Variants in PCDH7 observed in about 807,000 individuals in gnomAD.
PCDH7 encodes the protein protocadherin-7.
A neutral mutation model predicts 58.9 loss-of-function variants in PCDH7; 17 were observed. The observed-to-expected ratio is 0.29, with a 90% CI of 0.20 to 0.43. PCDH7 has a LOEUF of 0.43. PCDH7 is among the 20% of genes least tolerant of loss of function. The probability of loss-of-function intolerance (pLI) is 1.00; values close to 1 mark genes in which losing one functional copy is unlikely to be tolerated. For synonymous variants in PCDH7, 664 were observed against 616.4 expected (o/e 1.08, Z -1.14); for missense variants, 1,274 against 1,441.0 (o/e 0.88, Z 1.88).
chr4:30,827,928 C>T (rs1729304914), intron 1 of PCDH7, among the ~76,000 whole-genome samples: 1 of 152,124 alleles, frequency 6.6e-6, no homozygotes, highest in Admixed American at 6.6e-5. Context: ...TTTGTAGTTA[C>T]ACTGCTGATA....
chr4:31,040,743 G>A (rs1008697554), intron 3 of PCDH7, among the ~76,000 whole-genome samples: 5 of 151,152 alleles, frequency 3.3e-5, no homozygotes, highest in African/African-American at 1.2e-4. Context: ...AACAATTTGA[G>A]TTAAAAAAAA....
chr4:31,007,276 GT>G (rs1752846026), intron 3 of PCDH7, among the ~76,000 whole-genome samples: 1 of 151,908 alleles, frequency 6.6e-6, no homozygotes, highest in Non-Finnish European at 1.5e-5. Flanking sequence ...CTTAGTTAGT[GT>G]TTTTAAAGTA....
At chr4:31,041,804 A>T (rs947209565) in intron 3 of PCDH7, among the ~76,000 whole-genome samples, 112 of 150,322 alleles carry the variant, frequency 7.5e-4, no homozygotes, top group African/African-American at 2.3e-3. Context: ...GCTATTTTTT[A>T]AAAAAATAAT....
rs578250955 is a variant in PCDH7, at chr4:31,047,735, A to C, written c.*8-94738A>C. Reference sequence around the variant, plus strand: ...TGTCATATTTAATTAGCTCGCTCTCATAATTGTGAAGATAAGTATAGCTGA... The same window carrying C: ...TGTCATATTTAATTAGCTCGCTCTCCTAATTGTGAAGATAAGTATAGCTGA... On this transcript the variant is annotated intron_variant, in intron 3 of 3. Transcript: ENST00000509759. Among the ~76,000 whole-genome samples the C allele has an allele frequency of 2.6e-5, 4 of 152,154 alleles. No homozygotes were observed. The East Asian group carries it at 7.8e-4, about 29-fold the overall frequency.
intron 1 of PCDH7, among the ~76,000 whole-genome samples, chr4:30,886,640 T>G (rs1433227783): frequency 6.7e-6 from 1 of 150,320 alleles, no homozygotes; most frequent in Non-Finnish European, 1.5e-5. Flanking sequence ...CCCAAAGGAC[T>G]ATAAATCATG....
At chr4:30,776,057 C>T (rs568905679) in intron 1 of PCDH7, among the ~76,000 whole-genome samples, 4 of 152,280 alleles carry the variant, frequency 2.6e-5, no homozygotes, top group African/African-American at 7.2e-5. Flanking sequence ...TAACCATGGT[C>T]GTCTTTCATT....
At chr4:30,730,688 C>A in intron 1 of PCDH7, 1 of 1,245,718 alleles carries the variant, frequency 8.0e-7, no homozygotes, top group Non-Finnish European at 1.1e-6. Context: ...GGGCATAAGA[C>A]ACTGGGGAAA....
intron 1 of PCDH7, among the ~76,000 whole-genome samples, chr4:30,837,921 T>C (rs1326077384): frequency 6.7e-6 from 1 of 148,246 alleles, no homozygotes; most frequent in Non-Finnish European, 1.5e-5. Context: ...ATATATAACA[T>C]TATTGTGTTT....
chr4:30,722,252 C>G lies in PCDH7; in HGVS notation c.830C>G (p.Thr277Ser), dbSNP rs1365682752. 2 of 1,596,546 alleles carry G rather than the reference C, an allele frequency of 1.3e-6. No homozygotes were observed. Among genetic ancestry groups the G allele is most frequent in the African/African-American group, 2.7e-5 (2 of 74,684 alleles). The change falls in exon 1 of 2, where the codon ACC (threonine) becomes AGC (serine). Residue 277 changes from threonine (T) to serine (S), a missense_variant. By Grantham distance (58) the Thr-to-Ser change is moderately conservative. Around this residue, in one of 3 missense-constraint regions of PCDH7, gnomAD observed 331 missense variants for 303.2 expected, o/e 1.09. Transcript: ENST00000361762. The surrounding 1 kb of genome is among the most constrained non-coding windows in gnomAD (Gnocchi z 7.6). ...GAGCAGCGCGACTCCTACGAGCTGA[C>G]CCTGCGAGTGCGCGACGGCGGCGAC...
intron 1 of PCDH7, among the ~76,000 whole-genome samples, chr4:30,897,741 G>T (rs1445863127): frequency 1.3e-5 from 2 of 152,126 alleles, no homozygotes; most frequent in African/African-American, 4.8e-5. Context: ...TTATCTCTTT[G>T]AAATAAATTA....
intron 1 of PCDH7, among the ~76,000 whole-genome samples, chr4:30,846,796 C>T (rs779095916): frequency 1.3e-5 from 2 of 152,048 alleles, no homozygotes; most frequent in Non-Finnish European, 2.9e-5. Context: ...GTATGTTTAG[C>T]CTCCAGTTCT....
intron 1 of PCDH7, among the ~76,000 whole-genome samples, chr4:30,885,500 A>G (rs956654416): frequency 6.6e-6 from 1 of 152,014 alleles, no homozygotes; most frequent in African/African-American, 2.4e-5. Context: ...GATAACCTTT[A>G]TTTCTTCTCA....
intron 3 of PCDH7, among the ~76,000 whole-genome samples, chr4:31,056,501 GA>G (rs1307679750): frequency 3.3e-5 from 4 of 122,190 alleles, no homozygotes; most frequent in Non-Finnish European, 6.8e-5. Context: ...AAGAAAGAAA[GA>G]AAGAAAGAAA....
intron 3 of PCDH7, among the ~76,000 whole-genome samples, chr4:31,061,638 G>T (rs1006748861): frequency 6.6e-6 from 1 of 151,654 alleles, no homozygotes; most frequent in Non-Finnish European, 1.5e-5. Flanking sequence ...AGAGTTAAAA[G>T]AATGTTTTAA....
At chr4:31,096,509 A>G (rs1023211825) in intron 3 of PCDH7, among the ~76,000 whole-genome samples, 15 of 152,182 alleles carry the variant, frequency 9.9e-5, no homozygotes, top group African/African-American at 3.4e-4. Flanking sequence ...GCAAATTTAG[A>G]GTTTCTTTTT....
chr4:30,906,848 C>T (rs1183276317), intron 1 of PCDH7, among the ~76,000 whole-genome samples: 1 of 151,910 alleles, frequency 6.6e-6, no homozygotes, highest in Non-Finnish European at 1.5e-5. Flanking sequence ...CATGGTGAAA[C>T]CCTGTACCTA....
At chr4:30,776,882 T>TGC (rs775193874) in intron 1 of PCDH7, among the ~76,000 whole-genome samples, 1 of 151,656 alleles carries the variant, frequency 6.6e-6, no homozygotes, top group Non-Finnish European at 1.5e-5. Flanking sequence ...TGTGTGTGTG[T>TGC]GTGTAAGTGG....
intron 3 of PCDH7, among the ~76,000 whole-genome samples, chr4:31,099,963 A>G (rs1292820355): frequency 1.3e-5 from 2 of 152,032 alleles, no homozygotes; most frequent in Non-Finnish European, 2.9e-5. Context: ...AGGCTCAGAT[A>G]AATGCTGAAC....
At chr4:30,972,979 T>C (rs1013219008) in intron 3 of PCDH7, among the ~76,000 whole-genome samples, 1 of 152,228 alleles carries the variant, frequency 6.6e-6, no homozygotes, top group African/African-American at 2.4e-5. Context: ...GGAATAAATA[T>C]TCGATGTTAC....
Sources: gnomAD v4.1 joint callset for allele counts (sites outside exome capture counted in the v4.1 genomes callset) on GRCh38, gnomAD v4.1.1 for gene constraint, gnomAD v4.1.1 regional missense constraint, Gnocchi (gnomAD v3.1) non-coding constraint, MANE v1.5 for transcripts, NCBI Gene and HGNC (gene_info 2026-07-23, HGNC 2026-07-21) for gene names.